Variants in SPRY3 observed in about 807,000 individuals in gnomAD.
SPRY3 encodes protein sprouty homolog 3.
Under a neutral mutation model 20.2 loss-of-function variants are expected in SPRY3, and 15 were observed. The observed-to-expected ratio is 0.74, with a 90% confidence interval of 0.50 to 1.14. The LOEUF is 1.14. SPRY3 is among the 50% of genes most tolerant of loss of function. The pLI is 0.00. For missense variants in SPRY3, 364 were observed against 363.9 expected, an observed-to-expected ratio of 1.00 and a Z score of 0.00; for synonymous variants, 143 against 136.5, an observed-to-expected ratio of 1.05 and a Z score of -0.33.
intron 1 of SPRY3, among the ~76,000 whole-genome samples, chrX:155,628,326 T>G (rs1333670054): frequency 9.0e-6 from 1 of 111,610 alleles, no homozygotes; most frequent in African/African-American, 3.3e-5. Context: ...AGGCAAAAAT[T>G]AACAAGTGGG....
intron 1 of SPRY3, among the ~76,000 whole-genome samples, chrX:155,615,275 C>T (rs1477056989): frequency 8.9e-6 from 1 of 112,668 alleles, no homozygotes; most frequent in Non-Finnish European, 1.9e-5. Context: ...AAATTATCAC[C>T]ATCTCTTGCA....
In SPRY3 at chrX:155,774,219, A is replaced by G. The variant is rs200281509; in HGVS notation, c.348A>G (p.Gln116=). 297 of 1,613,920 alleles carry G rather than the reference A, an allele frequency of 1.8e-4. No homozygotes were observed. In the East Asian group the frequency reaches 5.9e-3, roughly 32 times the overall value. ...CAGGCCAATCCATCATCCGAACCCA[A>G]CCTGGAGCAGGGGTCCACCCAAAGG... Residue 116 remains glutamine (Q), a synonymous_variant, in exon 4 of 4, where the codon CAA becomes CAG. Transcript: ENST00000675360.
chrX:155,722,702 C>T (rs1440792411), intron 2 of SPRY3, among the ~76,000 whole-genome samples: 1 of 151,870 alleles, frequency 6.6e-6, no homozygotes. Flanking sequence ...AATAAATGGA[C>T]TAAACTCTCC....
chrX:155,616,107 T>TCC (rs201379056), intron 1 of SPRY3, among the ~76,000 whole-genome samples: 10,155 of 45,224 alleles, frequency 0.22, 1,945 homozygotes, highest in Non-Finnish European at 0.35. Context: ...GGGGTCTCTC[T>TCC]CTCTCTCTCT....
At chrX:155,731,629 C>A (rs1318069834) in intron 2 of SPRY3, among the ~76,000 whole-genome samples, 2 of 152,012 alleles carry the variant, frequency 1.3e-5, no homozygotes, top group Non-Finnish European at 2.9e-5. Flanking sequence ...CCCACAAGCA[C>A]AGGAAACCAA....
At chrX:155,735,072 A>C (rs1237578269) in intron 2 of SPRY3, among the ~76,000 whole-genome samples, 4 of 152,018 alleles carry the variant, frequency 2.6e-5, no homozygotes, top group Admixed American at 6.6e-5. Flanking sequence ...TAATTAAAAA[A>C]AATTTAACTT....
At chrX:155,739,632 T>C (rs1157077835) in intron 2 of SPRY3, among the ~76,000 whole-genome samples, 1 of 152,152 alleles carries the variant, frequency 6.6e-6, no homozygotes, top group Non-Finnish European at 1.5e-5. Flanking sequence ...CTTTGCTGTT[T>C]TGCAGCCTTC....
intron 2 of SPRY3, among the ~76,000 whole-genome samples, chrX:155,760,367 T>C (rs761407455): frequency 2.0e-5 from 3 of 152,326 alleles, no homozygotes; most frequent in Non-Finnish European, 2.9e-5. Flanking sequence ...AGCATAAGGA[T>C]TGGCTTAGCT....
intron 1 of SPRY3, among the ~76,000 whole-genome samples, chrX:155,642,073 G>A (rs144081020): frequency 0.036 from 3,974 of 111,015 alleles, 82 homozygotes; most frequent in African/African-American, 0.062. Context: ...AGCCCAGCTG[G>A]CACCTCCTCT....
intron 2 of SPRY3, among the ~76,000 whole-genome samples, chrX:155,756,809 C>A (rs1276549667): frequency 1.3e-5 from 2 of 151,936 alleles, no homozygotes; most frequent in Admixed American, 1.3e-4. Context: ...CAAATACAAA[C>A]AACATATGTT....
intron 2 of SPRY3, among the ~76,000 whole-genome samples, chrX:155,685,296 T>C (rs1288325884): frequency 9.0e-6 from 1 of 111,627 alleles, no homozygotes; most frequent in Non-Finnish European, 1.9e-5. Flanking sequence ...TGTGTTCAGA[T>C]TGGATAATTT....
At chrX:155,732,414 C>G (rs1395001189) in intron 2 of SPRY3, among the ~76,000 whole-genome samples, 2 of 151,956 alleles carry the variant, frequency 1.3e-5, no homozygotes, top group Non-Finnish European at 2.9e-5. Context: ...TGCTTAACCT[C>G]AGTGATCATT....
chrX:155,773,307 G>GTTTT (rs4013148), intron 3 of SPRY3, among the ~76,000 whole-genome samples: 136 of 120,716 alleles, frequency 1.1e-3, no homozygotes, highest in East Asian at 3.0e-3. Flanking sequence ...ATTTTGATTG[G>GTTTT]ATATATATAT....
intron 1 of SPRY3, among the ~76,000 whole-genome samples, chrX:155,656,510 G>C (rs1017810881): frequency 9.0e-6 from 1 of 110,752 alleles, no homozygotes; most frequent in Non-Finnish European, 1.9e-5. Context: ...TTTTGTCAAC[G>C]TTCTTAGCTT....
chrX:155,725,213 C>T lies in SPRY3; in HGVS notation c.-281-42749C>T, dbSNP rs774989090. 6.6e-5 allele frequency among the ~76,000 whole-genome samples: 10 copies of T among 152,240 alleles called. No individual in the cohort carries two copies. The South Asian group carries it at 2.1e-3, about 32-fold the overall frequency. The stretch of plus-strand genomic sequence containing the variant: ...AAGCTTTTTGATGTGCTGCTAGATT[C>T]AGTTTGCCAGTATTTTATTGAGGAT... On this transcript the variant is annotated intron_variant, in intron 2 of 3. Transcript: ENST00000675360.
intron 2 of SPRY3, among the ~76,000 whole-genome samples, chrX:155,658,100 T>C (rs1253155268): frequency 8.9e-6 from 1 of 112,487 alleles, no homozygotes; most frequent in Non-Finnish European, 1.9e-5. Flanking sequence ...TATAGCCTTG[T>C]AGCATAATTT....
At position 155,766,189 on chromosome X, in the gene SPRY3, C is replaced by G. The variant is rs151126486; in HGVS notation, c.-281-1773C>G. Among the ~76,000 whole-genome samples, 69 of 152,278 alleles carry G rather than the reference C, an allele frequency of 4.5e-4. No homozygotes were observed. In the East Asian group the frequency reaches 8.7e-3, roughly 19 times the overall value. ...TATACCTACATACATGTCATCACAACTGTTTGGAGCACCTTAAACACATAC... is the reference window on the plus strand; with the variant it reads ...TATACCTACATACATGTCATCACAAGTGTTTGGAGCACCTTAAACACATAC... On this transcript the variant is annotated intron_variant, in intron 2 of 3. Coordinates refer to ENST00000675360, the Ensembl canonical transcript of SPRY3.
At chrX:155,678,808 C>T (rs991981832) in intron 2 of SPRY3, among the ~76,000 whole-genome samples, 3 of 111,999 alleles carry the variant, frequency 2.7e-5, no homozygotes, top group African/African-American at 9.7e-5. Flanking sequence ...TTCTCAGCAA[C>T]GTTTGATTTT....
At chrX:155,764,641 TG>T (rs1003426018) in intron 2 of SPRY3, among the ~76,000 whole-genome samples, 39 of 152,278 alleles carry the variant, frequency 2.6e-4, no homozygotes, top group Middle Eastern at 3.4e-3. Flanking sequence ...AAGAGATCAC[TG>T]TCTAAATTGG....
Sources: gnomAD v4.1 joint callset for allele counts (sites outside exome capture counted in the v4.1 genomes callset) on GRCh38, gnomAD v4.1.1 for gene constraint, MANE v1.5 for transcripts, NCBI Gene and HGNC (gene_info 2026-07-23, HGNC 2026-07-21) for gene names.